CTNNA3: variants seen among roughly 807,000 people sequenced by gnomAD.
The protein encoded by CTNNA3 is catenin alpha-3.
Under a neutral mutation model 95.7 loss-of-function variants are expected in CTNNA3, and 76 were observed. That is an observed-to-expected ratio of 0.79 (90% CI 0.66 to 0.96). The LOEUF (loss-of-function observed/expected upper bound fraction) is 0.96. Among genes scored for constraint, CTNNA3 ranks in the 40% least tolerant of loss-of-function variants. CTNNA3 has a pLI of 0.00. For synonymous variants in CTNNA3, 431 were observed against 374.4 expected (o/e 1.15, Z -1.74); for missense variants, 1,191 against 1,089.8 (o/e 1.09, Z -1.31).
intron 1 of CTNNA3, among the ~76,000 whole-genome samples, chr10:67,751,836 C>CAAAAA (rs34653199): frequency 1.1e-5 from 1 of 93,176 alleles, no homozygotes; most frequent in African/African-American, 3.8e-5. Flanking sequence ...AGCTACCAAC[C>CAAAAA]AAAAAAAAAA....
At chr10:66,284,421 G>T (rs2091549865) in intron 12 of CTNNA3, among the ~76,000 whole-genome samples, 1 of 151,892 alleles carries the variant, frequency 6.6e-6, no homozygotes, top group Non-Finnish European at 1.5e-5. Flanking sequence ...CCCTAAATCT[G>T]CACTGCTTTC....
chr10:66,626,932 C>CAA (rs1448656254), intron 9 of CTNNA3, among the ~76,000 whole-genome samples: 1 of 51,926 alleles, frequency 1.9e-5, no homozygotes, highest in Non-Finnish European at 3.9e-5. Flanking sequence ...TACACACACA[C>CAA]AACAACAACA....
At chr10:66,797,439 A>C (rs2132223196) in intron 7 of CTNNA3, among the ~76,000 whole-genome samples, 1 of 151,604 alleles carries the variant, frequency 6.6e-6, no homozygotes, top group Non-Finnish European at 1.5e-5. Context: ...TTTAAATACT[A>C]ACACTATTGT....
intron 1 of CTNNA3, among the ~76,000 whole-genome samples, chr10:67,688,421 T>G (rs1048980661): frequency 6.6e-6 from 1 of 152,176 alleles, no homozygotes; most frequent in Non-Finnish European, 1.5e-5. Context: ...CTGTGGGATG[T>G]AAATTGCAAG....
chr10:66,276,751 T>G (rs2132147610), intron 13 of CTNNA3, among the ~76,000 whole-genome samples: 1 of 152,222 alleles, frequency 6.6e-6, no homozygotes, highest in East Asian at 1.9e-4. Flanking sequence ...ATTAATTAGC[T>G]TCAGTAGGTC....
rs374998799 is a variant in CTNNA3 at position 66,224,999 on chromosome 10, A to G, written c.1884+55471T>C. 3.2e-4 allele frequency among the ~76,000 whole-genome samples: 48 copies of G among 152,260 alleles called. No homozygotes were observed. The South Asian group carries it at 9.3e-3, about 30-fold the overall frequency. ...GCATAATGATGAAATCAGAATAATTATATTTATGACCTCAAAAATTTATCA... is the reference window on the plus strand; with the variant it reads ...GCATAATGATGAAATCAGAATAATTGTATTTATGACCTCAAAAATTTATCA... On this transcript the variant is annotated intron_variant, in intron 13 of 17. Transcript: ENST00000433211.
At chr10:67,121,697 G>T (rs999625539) in intron 7 of CTNNA3, among the ~76,000 whole-genome samples, 1 of 151,752 alleles carries the variant, frequency 6.6e-6, no homozygotes, top group Non-Finnish European at 1.5e-5. Flanking sequence ...CAAGTACTGG[G>T]CATGAAAAAA....
At chr10:67,618,616 A>C (rs1843731429) in intron 2 of CTNNA3, among the ~76,000 whole-genome samples, 1 of 152,206 alleles carries the variant, frequency 6.6e-6, no homozygotes, top group Non-Finnish European at 1.5e-5. Flanking sequence ...ATCCAGGAGA[A>C]AATATACATA....
At chr10:67,016,188 G>A (rs984637617) in intron 7 of CTNNA3, among the ~76,000 whole-genome samples, 1 of 152,076 alleles carries the variant, frequency 6.6e-6, no homozygotes, top group Non-Finnish European at 1.5e-5. Flanking sequence ...TTCCCTTTCT[G>A]ATCGCTACTC....
chr10:66,113,817 T>A (rs2082208063), intron 13 of CTNNA3, among the ~76,000 whole-genome samples: 1 of 152,162 alleles, frequency 6.6e-6, no homozygotes, highest in African/African-American at 2.4e-5. Context: ...AGAAACAGCT[T>A]TTTAAACTTC....
intron 9 of CTNNA3, among the ~76,000 whole-genome samples, chr10:66,649,058 C>T (rs955850824): frequency 1.3e-5 from 2 of 151,838 alleles, no homozygotes; most frequent in African/African-American, 4.8e-5. Flanking sequence ...AGGAAATGGC[C>T]AGAGAGGTAG....
intron 11 of CTNNA3, among the ~76,000 whole-genome samples, chr10:66,478,942 A>G (rs1438371109): frequency 6.6e-6 from 1 of 151,924 alleles, no homozygotes; most frequent in East Asian, 1.9e-4. Context: ...TCCCCCTTAT[A>G]GATAATAATT....
chr10:66,703,075 A>G (rs1424521019), intron 9 of CTNNA3, among the ~76,000 whole-genome samples: 1 of 152,090 alleles, frequency 6.6e-6, no homozygotes. Context: ...AGACTCTGAA[A>G]TTATATTTTT....
chr10:67,523,962 T>C (rs997640222), intron 4 of CTNNA3, among the ~76,000 whole-genome samples: 1 of 152,214 alleles, frequency 6.6e-6, no homozygotes, highest in Non-Finnish European at 1.5e-5. Flanking sequence ...GACAAATCCA[T>C]TTAACTCTAA....
Position 66,199,810 on chromosome 10 carries a change from T to TATAA in CTNNA3, c.1884+80659_1884+80660insTTAT, listed in dbSNP as rs1564756697. ...ATATATATATATATATATATATTTTTTTTTTTTTTTTTTTTTTTTTTTTAG... is the reference window on the plus strand; with the variant it reads ...ATATATATATATATATATATATTTTTATAATTTTTTTTTTTTTTTTTTTTTTTAG... On this transcript the variant is annotated intron_variant, in intron 13 of 17. Transcript: ENST00000433211. Among the ~76,000 whole-genome samples the TATAA allele has an allele frequency of 8.7e-4, 27 of 31,006 alleles. 2 individuals carry two copies. Among genetic ancestry groups the TATAA allele is most frequent in the African/African-American group, 2.6e-3 (26 of 9,812 alleles). The allele number at this position is 31,006 out of a possible 152,430, so 20.3% of individuals were successfully genotyped here.
chr10:66,926,102 C>T (rs1257712259), intron 7 of CTNNA3: 1 of 458,376 alleles, frequency 2.2e-6, no homozygotes, highest in Non-Finnish European at 4.4e-6. Context: ...CGGTACGGGG[C>T]TCTCCTGCCT....
At chr10:67,097,207 AAAT>A (rs1381805852) in intron 7 of CTNNA3, among the ~76,000 whole-genome samples, 8 of 151,894 alleles carry the variant, frequency 5.3e-5, no homozygotes. Flanking sequence ...TATCCTAACC[AAAT>A]AATAGGATAA....
intron 5 of CTNNA3, among the ~76,000 whole-genome samples, chr10:67,287,955 G>A (rs944085886): frequency 5.3e-5 from 8 of 152,112 alleles, no homozygotes; most frequent in Admixed American, 3.3e-4. Context: ...AGTCAATTTA[G>A]CCCCTTCTCT....
chr10:65,941,117 T>C (rs2077424162), intron 17 of CTNNA3, among the ~76,000 whole-genome samples: 1 of 152,254 alleles, frequency 6.6e-6, no homozygotes. Context: ...GCAGTGCTTA[T>C]TATGTGCTAG....
Sources: allele counts gnomAD v4.1 joint callset (sites outside exome capture counted in the v4.1 genomes callset), GRCh38; gene constraint gnomAD v4.1.1; transcripts MANE v1.5; gene names NCBI Gene and HGNC (gene_info 2026-07-23, HGNC 2026-07-21).